TBC1D32: variants seen among roughly 807,000 people sequenced by gnomAD.
TBC1D32 encodes the protein TBC1 domain family member 32.
TBC1D32 carries 151 observed loss-of-function variants against 170.3 expected under a neutral mutation model. That is an observed-to-expected ratio of 0.89 (90% CI 0.78 to 1.01). The LOEUF (loss-of-function observed/expected upper bound fraction) is 1.01. TBC1D32 is among the 50% of genes least tolerant of loss of function. The pLI is 0.00. For synonymous variants in TBC1D32, 498 were observed against 488.0 expected, an observed-to-expected ratio of 1.02 and a Z score of -0.27; for missense variants, 1,464 against 1,457.1, an observed-to-expected ratio of 1.00 and a Z score of -0.08.
chr6:121,120,021 T>C (rs1780094069), intron 26 of TBC1D32, among the ~76,000 whole-genome samples: 1 of 151,990 alleles, frequency 6.6e-6, no homozygotes, highest in Non-Finnish European at 1.5e-5. Context: ...AATTCTATAA[T>C]AAAAAAATCA....
At chr6:121,220,720 G>A (rs975576275) in intron 21 of TBC1D32, among the ~76,000 whole-genome samples, 35 of 146,404 alleles carry the variant, frequency 2.4e-4, no homozygotes, top group Admixed American at 2.1e-4. Context: ...GGCTCACTGC[G>A]ACCTCTACCT....
intron 22 of TBC1D32, among the ~76,000 whole-genome samples, chr6:121,176,071 ATAG>A (rs1787723231): frequency 6.6e-6 from 1 of 152,214 alleles, no homozygotes; most frequent in African/African-American, 2.4e-5. Context: ...GGAACCCTAA[ATAG>A]TAGGGGAAGG....
chr6:121,316,421 A>G lies in TBC1D32; in HGVS notation c.495+1074T>C, dbSNP rs914240720. Among the ~76,000 whole-genome samples, 4 of 152,156 alleles carry G rather than the reference A, an allele frequency of 2.6e-5. 1 individual carries two copies. The highest frequency in any genetic ancestry group is 4.8e-5 in the African/African-American group (2 of 41,438). On this transcript the variant is annotated intron_variant, in intron 3 of 31. Coordinates refer to ENST00000398212, the MANE Select transcript of TBC1D32 (RefSeq NM_152730.6). ...TTGATTTGAAGAAGCAACTCAATAA[A>G]CTTACTAAACAAGCCATCTGACTGT...
At chr6:121,330,043 A>T (rs1357781397) in intron 1 of TBC1D32, among the ~76,000 whole-genome samples, 1 of 148,256 alleles carries the variant, frequency 6.7e-6, no homozygotes, top group Non-Finnish European at 1.5e-5. Flanking sequence ...ATACTTTCTT[A>T]TTTTATTTTA....
chr6:121,111,657 CTG>C (rs1226245513), intron 29 of TBC1D32, among the ~76,000 whole-genome samples: 1 of 152,028 alleles, frequency 6.6e-6, no homozygotes, highest in African/African-American at 2.4e-5. Flanking sequence ...TTTTAAGTAA[CTG>C]TATATAGCTA....
At chr6:121,241,625 T>A in intron 18 of TBC1D32, 73 bp from the exon 19 acceptor site, 1 of 1,203,686 alleles carries the variant, frequency 8.3e-7, no homozygotes, top group Non-Finnish European at 1.2e-6. Context: ...TCCTTCAAGA[T>A]GGTAAGAACT....
chr6:121,215,821 A>G (rs1209538967), intron 21 of TBC1D32, among the ~76,000 whole-genome samples: 1 of 152,238 alleles, frequency 6.6e-6, no homozygotes. Flanking sequence ...CACCAGTCAG[A>G]ATGGCTATTA....
intron 15 of TBC1D32, among the ~76,000 whole-genome samples, chr6:121,261,569 G>C (rs1410433617): frequency 6.6e-6 from 1 of 152,048 alleles, no homozygotes; most frequent in East Asian, 1.9e-4. Flanking sequence ...AAAACAAACA[G>C]AAAGCTACAA....
intron 12 of TBC1D32, among the ~76,000 whole-genome samples, chr6:121,285,326 C>A (rs1803634177): frequency 6.6e-6 from 1 of 152,124 alleles, no homozygotes; most frequent in Non-Finnish European, 1.5e-5. Flanking sequence ...GTATAAACTT[C>A]TAAGTGTCCT....
At chr6:121,319,237 T>C (rs1291704355) in intron 2 of TBC1D32, among the ~76,000 whole-genome samples, 6 of 151,936 alleles carry the variant, frequency 3.9e-5, no homozygotes, top group African/African-American at 7.3e-5. Context: ...GGTAACTCAA[T>C]AGAGGTAACA....
chr6:121,087,425 C>T (rs1776368524), intron 31 of TBC1D32, among the ~76,000 whole-genome samples: 1 of 152,120 alleles, frequency 6.6e-6, no homozygotes, highest in Non-Finnish European at 1.5e-5. Context: ...CATTTAAAAT[C>T]TTGAGCCTAA....
intron 21 of TBC1D32, among the ~76,000 whole-genome samples, chr6:121,212,858 A>G (rs1444124649): frequency 6.6e-6 from 1 of 152,206 alleles, no homozygotes; most frequent in Admixed American, 6.5e-5. Context: ...CACCACCATC[A>G]GGTAGGCTTT....
chr6:121,094,593 T>A (rs993506542), intron 30 of TBC1D32, among the ~76,000 whole-genome samples: 4 of 152,178 alleles, frequency 2.6e-5, no homozygotes, highest in Non-Finnish European at 5.9e-5. Context: ...ATGGAATTTT[T>A]AAAAACATAT....
At chr6:121,081,009 A>G in intron 31 of TBC1D32, 119 bp from the exon 32 acceptor site, 1 of 1,169,066 alleles carries the variant, frequency 8.6e-7, no homozygotes. Context: ...TGGGCTGTTT[A>G]TGTTGCCAGT....
intron 14 of TBC1D32, among the ~76,000 whole-genome samples, chr6:121,280,042 G>C (rs1212836875): frequency 6.6e-6 from 1 of 151,858 alleles, no homozygotes; most frequent in African/African-American, 2.4e-5. Flanking sequence ...CTAATGATTA[G>C]TCAGGTATAC....
At chr6:121,091,899 G>A (rs1776842676) in intron 30 of TBC1D32, among the ~76,000 whole-genome samples, 1 of 152,106 alleles carries the variant, frequency 6.6e-6, no homozygotes, top group African/African-American at 2.4e-5. Context: ...TTTATAAGAA[G>A]GGGAAATACA....
At chr6:121,160,804 T>G in intron 23 of TBC1D32, 144 bp downstream of exon 23, 1 of 674,404 alleles carries the variant, frequency 1.5e-6, no homozygotes, top group Middle Eastern at 2.4e-4. Context: ...AGTATTTATT[T>G]GCATCCTAAA....
intron 22 of TBC1D32, among the ~76,000 whole-genome samples, chr6:121,198,201 T>A (rs924528): frequency 0.7 from 96,332 of 136,802 alleles, 38,443 homozygotes; most frequent in Non-Finnish European, 0.88. Context: ...AATATATATT[T>A]TATATATTAT....
At chr6:121,242,370 CTT>C in intron 17 of TBC1D32, 31 bp from the exon 18 acceptor site, 1 of 1,600,544 alleles carries the variant, frequency 6.2e-7, no homozygotes, top group East Asian at 2.2e-5. Flanking sequence ...GTAGAGCTTT[CTT>C]TAAGATACTA....
Sources: gnomAD v4.1 joint callset for allele counts (sites outside exome capture counted in the v4.1 genomes callset) on GRCh38, gnomAD v4.1.1 for gene constraint, MANE v1.5 for transcripts, NCBI Gene and HGNC (gene_info 2026-07-23, HGNC 2026-07-21) for gene names.